Variants in PTPRD observed in about 807,000 individuals in gnomAD.
The protein encoded by PTPRD is protein tyrosine phosphatase receptor type D.
Under a neutral mutation model 214.5 loss-of-function variants are expected in PTPRD, and 34 were observed. The ratio of observed to expected loss-of-function variants is 0.16; its 90% CI spans 0.12 to 0.21. The LOEUF (loss-of-function observed/expected upper bound fraction) is 0.21. PTPRD is among the 10% of genes least tolerant of loss of function. PTPRD has a pLI of 1.00. For missense variants in PTPRD, 2,545 were observed against 2,398.7 expected (o/e 1.06, Z -1.27); for synonymous variants, 1,128 against 845.7 (o/e 1.33, Z -5.79).
At chr9:9,357,347 C>G (rs981040618) in intron 9 of PTPRD, among the ~76,000 whole-genome samples, 3 of 151,236 alleles carry the variant, frequency 2.0e-5, no homozygotes, top group African/African-American at 7.3e-5. Context: ...AATTTAAAGC[C>G]AGATAAAATT....
At chr9:10,572,683 T>C (rs1012468296) in intron 2 of PTPRD, among the ~76,000 whole-genome samples, 2 of 152,162 alleles carry the variant, frequency 1.3e-5, no homozygotes, top group African/African-American at 4.8e-5. Context: ...TTAGGATTAA[T>C]TTACATAGAA....
intron 3 of PTPRD, among the ~76,000 whole-genome samples, chr9:10,065,187 G>GAAAGAAAGAAAGAAAGA (rs1204307146): frequency 9.2e-5 from 14 of 151,776 alleles, no homozygotes; most frequent in African/African-American, 3.1e-4. Flanking sequence ...AAGAAAGAAA[G>GAAAGAAAGAAAGAAAGA]AAAGAAAAGG....
intron 2 of PTPRD, among the ~76,000 whole-genome samples, chr9:10,355,497 A>C (rs1301789296): frequency 7.5e-6 from 1 of 133,058 alleles, no homozygotes; most frequent in Non-Finnish European, 1.6e-5. Flanking sequence ...TTTTTTTTTG[A>C]GACGGAGTCT....
intron 7 of PTPRD, among the ~76,000 whole-genome samples, chr9:9,601,607 T>G (rs1343547381): frequency 6.6e-6 from 1 of 152,098 alleles, no homozygotes; most frequent in African/African-American, 2.4e-5. Context: ...CTCAGTTTTT[T>G]GCTCAAAATT....
intron 3 of PTPRD, among the ~76,000 whole-genome samples, chr9:10,116,715 C>T (rs1324147286): frequency 6.6e-6 from 1 of 152,068 alleles, no homozygotes; most frequent in Non-Finnish European, 1.5e-5. Context: ...CACTGCACTC[C>T]TGAAAACCCT....
At chr9:10,283,217 G>A (rs1378259861) in intron 3 of PTPRD, among the ~76,000 whole-genome samples, 1 of 151,864 alleles carries the variant, frequency 6.6e-6, no homozygotes, top group Non-Finnish European at 1.5e-5. Context: ...AGCTTCCTCT[G>A]AATTTCCCAA....
intron 2 of PTPRD, among the ~76,000 whole-genome samples, chr9:10,458,368 T>C (rs540091291): frequency 1.3e-5 from 2 of 152,288 alleles, no homozygotes; most frequent in African/African-American, 4.8e-5. Flanking sequence ...GATTTATCCT[T>C]ATCTAAAAGG....
intron 12 of PTPRD, among the ~76,000 whole-genome samples, chr9:8,688,881 C>T (rs996409858): frequency 1.3e-5 from 2 of 152,172 alleles, no homozygotes; most frequent in African/African-American, 2.4e-5. Context: ...CCCTTGCAGG[C>T]CTATGACTTT....
intron 5 of PTPRD, among the ~76,000 whole-genome samples, chr9:9,810,819 T>C (rs1254807762): frequency 2.6e-5 from 4 of 151,818 alleles, no homozygotes; most frequent in Admixed American, 2.0e-4. Flanking sequence ...GTAGCTGCCA[T>C]AGATAGTGAC....
chr9:8,915,362 CATTGAATTTAGGTG>C (rs2098777501), intron 11 of PTPRD, among the ~76,000 whole-genome samples: 1 of 151,928 alleles, frequency 6.6e-6, no homozygotes, highest in African/African-American at 2.4e-5. Flanking sequence ...TGGTGGTGAC[CATTGAATTTAGGTG>C]ATGTGATTTA....
At chr9:9,188,745 G>A (rs758388614) in intron 9 of PTPRD, among the ~76,000 whole-genome samples, 8 of 151,752 alleles carry the variant, frequency 5.3e-5, no homozygotes, top group South Asian at 2.1e-4. Context: ...TGAGAGACAT[G>A]GTATTCTGTG....
intron 39 of PTPRD, 71 bp downstream of exon 39, chr9:8,375,865 T>G (rs2083088074): frequency 1.3e-6 from 2 of 1,523,036 alleles, no homozygotes; most frequent in South Asian, 2.5e-5. Flanking sequence ...TGTCAAGAAG[T>G]TGCAGAAACA....
intron 10 of PTPRD, among the ~76,000 whole-genome samples, chr9:9,065,831 T>G (rs1179467066): frequency 6.6e-6 from 1 of 152,156 alleles, no homozygotes; most frequent in Non-Finnish European, 1.5e-5. Context: ...TGCCATTAAT[T>G]AATGTAATGT....
intron 2 of PTPRD, among the ~76,000 whole-genome samples, chr9:10,561,952 T>C (rs1240188473): frequency 1.3e-5 from 2 of 152,194 alleles, no homozygotes; most frequent in African/African-American, 4.8e-5. Context: ...AGAATGCCTT[T>C]AATTGTATTA....
intron 9 of PTPRD, among the ~76,000 whole-genome samples, chr9:9,364,539 G>A (rs1198181329): frequency 2.6e-5 from 4 of 151,422 alleles, no homozygotes; most frequent in Admixed American, 6.6e-5. Context: ...CATATACGAG[G>A]GAAGAGCATT....
chr9:8,567,550 T>C (rs1057192816), intron 14 of PTPRD, among the ~76,000 whole-genome samples: 2 of 152,186 alleles, frequency 1.3e-5, no homozygotes, highest in African/African-American at 2.4e-5. Context: ...GTCATCATGG[T>C]ATTTCCAGCA....
chr9:10,000,088 T>G (rs1484172275), intron 4 of PTPRD, among the ~76,000 whole-genome samples: 2 of 152,226 alleles, frequency 1.3e-5, no homozygotes, highest in East Asian at 3.8e-4. Context: ...CCAATCATAC[T>G]GCAAGTTATA....
At chr9:9,730,744 G>C (rs1340530829) in intron 7 of PTPRD, among the ~76,000 whole-genome samples, 1 of 152,076 alleles carries the variant, frequency 6.6e-6, no homozygotes, top group East Asian at 1.9e-4. Flanking sequence ...GTATGAGACT[G>C]TAGATGAACT....
intron 11 of PTPRD, among the ~76,000 whole-genome samples, chr9:8,971,249 C>T (rs899393351): frequency 5.9e-5 from 9 of 151,658 alleles, no homozygotes; most frequent in African/African-American, 1.9e-4. Context: ...GAATTTATGT[C>T]TTTACTGAAT....
Sources: gnomAD v4.1 joint callset for allele counts (sites outside exome capture counted in the v4.1 genomes callset) on GRCh38, gnomAD v4.1.1 for gene constraint, MANE v1.5 for transcripts, NCBI Gene and HGNC (gene_info 2026-07-23, HGNC 2026-07-21) for gene names.